The following B3GALT1 variants were observed in gnomAD, a reference collection of about 807,000 sequenced individuals.
B3GALT1 encodes beta-1,3-galactosyltransferase 1.
B3GALT1 carries 10 observed loss-of-function variants against 23.2 expected under a neutral mutation model. The observed-to-expected ratio is 0.43, with a 90% CI of 0.27 to 0.73. B3GALT1 has a LOEUF of 0.73. Ranked by LOEUF, B3GALT1 falls within the 30% of genes least tolerant of loss-of-function variation. B3GALT1 has a pLI of 0.21. For synonymous variants in B3GALT1, 156 were observed against 141.5 expected, an observed-to-expected ratio of 1.10 and a Z score of -0.73; for missense variants, 299 against 405.4, an observed-to-expected ratio of 0.74 and a Z score of 2.25.
At chr2:167,735,838 C>A (rs1456903288) in intron 3 of B3GALT1, among the ~76,000 whole-genome samples, 2 of 152,000 alleles carry the variant, frequency 1.3e-5, no homozygotes, top group Non-Finnish European at 2.9e-5. Context: ...GAGTAACTTG[C>A]CAATGGTCAC....
Position 167,869,750 on chromosome 2 carries a change from G to C in B3GALT1, c.711G>C (p.Ser237=), listed in dbSNP as rs773363253. Residue 237 remains serine (S), a synonymous_variant, in exon 5 of 5, where the codon TCG becomes TCC. Transcript: ENST00000392690. This position sits in a 1 kb window ranked among gnomAD's most constrained non-coding sequence, Gnocchi z 6.4. ...YPDSNYPPFC[S]GTGYIFSADV... is the part of the protein sequence containing the mutation. The stretch of plus-strand genomic sequence containing the variant: ...ACAGTAACTACCCACCTTTCTGTTC[G>C]GGGACTGGCTACATCTTTTCAGCCG... 1.9e-6 allele frequency: 3 copies of C among 1,614,124 alleles called. No homozygotes were observed. Among genetic ancestry groups the C allele is most frequent in the East Asian group, 4.5e-5 (2 of 44,882 alleles).
At chr2:167,611,283 A>G (rs773809492) in intron 2 of B3GALT1, among the ~76,000 whole-genome samples, 2 of 152,072 alleles carry the variant, frequency 1.3e-5, no homozygotes, top group African/African-American at 2.4e-5. Context: ...AATTCTAGGC[A>G]TATGTACACT....
chr2:167,695,781 T>C (rs1036881385), intron 3 of B3GALT1, among the ~76,000 whole-genome samples: 5 of 152,178 alleles, frequency 3.3e-5, no homozygotes, highest in Non-Finnish European at 4.4e-5. Flanking sequence ...CTAGGGCTAA[T>C]ACTACCAGCC....
chr2:167,500,130 G>T (rs1017154431), intron 2 of B3GALT1, among the ~76,000 whole-genome samples: 16 of 152,038 alleles, frequency 1.1e-4, no homozygotes, highest in Admixed American at 1.0e-3. Flanking sequence ...AGCCTCACAG[G>T]AACAATTTCC....
chr2:167,448,258 C>A (rs1442415873), intron 1 of B3GALT1, among the ~76,000 whole-genome samples: 5 of 152,032 alleles, frequency 3.3e-5, no homozygotes, highest in Non-Finnish European at 7.4e-5. Flanking sequence ...AAAGTGTTTC[C>A]TTTTCACCAC....
At chr2:167,311,207 G>A (rs927922870) in intron 1 of B3GALT1, among the ~76,000 whole-genome samples, 9 of 152,072 alleles carry the variant, frequency 5.9e-5, no homozygotes, top group Non-Finnish European at 1.3e-4. Flanking sequence ...TACACAGAAT[G>A]TTATTGTGTA....
chr2:167,565,496 A>G (rs1684141639), intron 2 of B3GALT1, among the ~76,000 whole-genome samples: 1 of 152,210 alleles, frequency 6.6e-6, no homozygotes, highest in African/African-American at 2.4e-5. Flanking sequence ...CAAAAGCCAA[A>G]ATTGACAAAT....
At chr2:167,310,552 G>A (rs894240658) in intron 1 of B3GALT1, among the ~76,000 whole-genome samples, 7 of 151,936 alleles carry the variant, frequency 4.6e-5, no homozygotes, top group African/African-American at 7.2e-5. Context: ...GAATCAAACC[G>A]GTATCCTAGA....
At chr2:167,410,446 G>A (rs573176658) in intron 1 of B3GALT1, among the ~76,000 whole-genome samples, 143 of 146,958 alleles carry the variant, frequency 9.7e-4, no homozygotes, top group Middle Eastern at 7.4e-3. Flanking sequence ...AGCCGAGATC[G>A]CGCCACTGCA....
In B3GALT1 at chr2:167,864,517, T is replaced by C. The variant is rs947093344; in HGVS notation, c.-229-4294T>C. ...AGGTCAAGGCTACAGTGAGCTGTGATTGTGCCACTGCACTCCAGCCTAGGT... is the reference window on the plus strand; with the variant it reads ...AGGTCAAGGCTACAGTGAGCTGTGACTGTGCCACTGCACTCCAGCCTAGGT... On this transcript the variant is annotated intron_variant, in intron 4 of 4. Transcript: ENST00000392690. 1.6e-4 allele frequency among the ~76,000 whole-genome samples: 24 copies of C among 152,320 alleles called. No homozygotes were observed. In the South Asian group the frequency reaches 1.9e-3, roughly 12 times the overall value.
chr2:167,797,853 C>T (rs932595909), intron 3 of B3GALT1, among the ~76,000 whole-genome samples: 19 of 152,056 alleles, frequency 1.2e-4, no homozygotes, highest in African/African-American at 4.6e-4. Flanking sequence ...TACAGGTGCC[C>T]GTGACCACAC....
chr2:167,712,271 G>A (rs897385547), intron 3 of B3GALT1, among the ~76,000 whole-genome samples: 1 of 152,140 alleles, frequency 6.6e-6, no homozygotes, highest in East Asian at 1.9e-4. Context: ...TTTTAAGAGA[G>A]CCTCTAAATA....
intron 2 of B3GALT1, among the ~76,000 whole-genome samples, chr2:167,494,077 C>G (rs1419848966): frequency 6.6e-6 from 1 of 152,030 alleles, no homozygotes; most frequent in African/African-American, 2.4e-5. Flanking sequence ...GATTGAGTAA[C>G]TTTATGGCCC....
intron 1 of B3GALT1, among the ~76,000 whole-genome samples, chr2:167,432,749 ATTAAT>A (rs1001440654): frequency 2.6e-5 from 4 of 152,230 alleles, no homozygotes; most frequent in Admixed American, 6.5e-5. Context: ...GAGGAAAAAC[ATTAAT>A]TTAAAGTAGA....
intron 3 of B3GALT1, among the ~76,000 whole-genome samples, chr2:167,669,958 G>C (rs1414220128): frequency 6.6e-6 from 1 of 152,116 alleles, no homozygotes; most frequent in Non-Finnish European, 1.5e-5. Flanking sequence ...CCAGGGTTCA[G>C]AACTCCACAA....
chr2:167,576,153 A>G (rs1558912361), intron 2 of B3GALT1, among the ~76,000 whole-genome samples: 1 of 151,812 alleles, frequency 6.6e-6, no homozygotes, highest in African/African-American at 2.4e-5. Context: ...CAAGTTGTCC[A>G]TAGGCCTCTT....
intron 2 of B3GALT1, among the ~76,000 whole-genome samples, chr2:167,494,110 A>G (rs1193714087): frequency 6.6e-6 from 1 of 152,160 alleles, no homozygotes; most frequent in Non-Finnish European, 1.5e-5. Context: ...TATATACTTG[A>G]TTGCAGATTG....
intron 1 of B3GALT1, among the ~76,000 whole-genome samples, chr2:167,470,159 TATACCC>T (rs756707313): frequency 5.9e-5 from 9 of 152,174 alleles, no homozygotes; most frequent in Non-Finnish European, 7.4e-5. Context: ...TGATTTCTGC[TATACCC>T]ATAGGGTGTG....
chr2:167,461,687 T>G (rs1205044953), intron 1 of B3GALT1, among the ~76,000 whole-genome samples: 1 of 152,224 alleles, frequency 6.6e-6, no homozygotes, highest in African/African-American at 2.4e-5. Context: ...TGTAATTTCC[T>G]TGAGTATATT....
Sources: allele counts gnomAD v4.1 joint callset (sites outside exome capture counted in the v4.1 genomes callset), GRCh38; gene constraint gnomAD v4.1.1; non-coding constraint Gnocchi (gnomAD v3.1); transcripts MANE v1.5; gene names NCBI Gene and HGNC (gene_info 2026-07-23, HGNC 2026-07-21).